WT1: variants seen among roughly 807,000 people sequenced by gnomAD.
WT1 encodes the protein WT1 transcription factor, also known as Wilms tumor protein.
A neutral mutation model predicts 60.8 loss-of-function variants in WT1; 8 were observed. That is an observed-to-expected ratio of 0.13 (90% CI 0.08 to 0.24). The LOEUF is 0.24. Ranked by LOEUF, WT1 falls within the 10% of genes least tolerant of loss-of-function variation. The pLI, the probability that WT1 is intolerant of heterozygous loss-of-function variation, is 1.00. For synonymous variants in WT1, 312 were observed against 297.1 expected (o/e 1.05, Z -0.52); for missense variants, 568 against 711.8 (o/e 0.80, Z 2.30).
At chr11:32,396,570 T>C (rs992691996) in intron 6 of WT1, among the ~76,000 whole-genome samples, 163 bp from the exon 7 acceptor site, 33 of 152,190 alleles carry the variant, frequency 2.2e-4, no homozygotes, top group African/African-American at 7.5e-4. Flanking sequence ...CAGACATCAG[T>C]AATGGATGCT....
chr11:32,434,168 C>A (rs1258821176), intron 1 of WT1, among the ~76,000 whole-genome samples: 1 of 152,216 alleles, frequency 6.6e-6, no homozygotes, highest in Non-Finnish European at 1.5e-5. Flanking sequence ...ACTTAATGTG[C>A]ACCTAAGTGT....
At chr11:32,422,959 G>T (rs1264194596) in intron 3 of WT1, among the ~76,000 whole-genome samples, 1 of 152,218 alleles carries the variant, frequency 6.6e-6, no homozygotes, top group East Asian at 1.9e-4. Context: ...CAAACGCAGT[G>T]CACAGAACTT....
In WT1 at chr11:32,415,765, G is replaced by C. The variant is rs80075914; in HGVS notation, c.1016+725C>G. Among the ~76,000 whole-genome samples, 678 of 152,340 alleles carry C rather than the reference G, an allele frequency of 4.5e-3. 7 individuals are homozygous for C. Among genetic ancestry groups the C allele is most frequent in the African/African-American group, 0.016 (653 of 41,584 alleles). On this transcript the variant is annotated intron_variant, in intron 5 of 9. Coordinates refer to ENST00000452863, the MANE Select transcript of WT1 (RefSeq NM_024426.6). Reference sequence around the variant, plus strand: ...GAAAGCCTTTTCTTTGTGGTCCAGAGAGAGGAAGAGGAGATCTGGATAAAA... The same window carrying C: ...GAAAGCCTTTTCTTTGTGGTCCAGACAGAGGAAGAGGAGATCTGGATAAAA...
chr11:32,425,273 A>G (rs1286575907), intron 3 of WT1, among the ~76,000 whole-genome samples: 2 of 152,222 alleles, frequency 1.3e-5, no homozygotes, highest in East Asian at 3.9e-4. Flanking sequence ...GTCAAATGCA[A>G]CAAGGCAAAC....
intron 1 of WT1, 74 bp from the exon 2 acceptor site, chr11:32,428,693 A>C (rs2133076803): frequency 3.1e-5 from 48 of 1,534,366 alleles, no homozygotes; most frequent in African/African-American, 1.4e-4. Context: ...TGAACCAGCC[A>C]CGGGCGGGGG....
intron 3 of WT1, among the ~76,000 whole-genome samples, chr11:32,423,269 G>A (rs1852914193): frequency 2.0e-5 from 3 of 152,354 alleles, no homozygotes; most frequent in South Asian, 4.1e-4. Context: ...CAGGGAGAAA[G>A]GTCTCTGCCC....
At position 32,435,329 on chromosome 11, in the gene WT1, G is replaced by C. The variant is rs1412950681; in HGVS notation, c.32C>G (p.Ser11Cys). 6.5e-7 allele frequency: 1 copy of C among 1,532,394 alleles called. No homozygotes were observed. Among genetic ancestry groups the C allele is most frequent in the Admixed American group, 2.0e-5 (1 of 50,916 alleles). 94.9% of individuals were successfully genotyped at this position (1,532,394 alleles called of 1,614,324 possible). A position where few individuals can be genotyped will look rare whatever the true frequency, so the allele number is the denominator to read the frequency against. Reference sequence around the variant, plus strand: ...AGACGCCGGCTCCGGGACACACGTGGAAGCCGGGTCCTGCAGCAAGAGGAA... The same window carrying C: ...AGACGCCGGCTCCGGGACACACGTGCAAGCCGGGTCCTGCAGCAAGAGGAA... Residue 11 changes from serine to cysteine, a missense_variant, in exon 1 of 10, where the codon TCC (serine) becomes TGC (cysteine). Ser to Cys is a moderately radical substitution (Grantham distance 112). This residue lies in a region of WT1 where 523 missense variants were observed against 565.1 expected (regional missense o/e 0.93). Coordinates refer to ENST00000452863, the MANE Select transcript of WT1 (RefSeq NM_024426.6).
chr11:32,430,432 C>CAGAGAGAGAGAGAGGGAGGGGGGG (rs1853243370), intron 1 of WT1: 1 of 910,756 alleles, frequency 1.1e-6, no homozygotes, highest in African/African-American at 2.7e-5. Flanking sequence ...GAGACAGACA[C>CAGAGAGAGAGAGAGGGAGGGGGGG]AGAGAGAGAG....
intron 9 of WT1, 35 bp downstream of exon 9, chr11:32,391,937 T>A (rs1256657794): frequency 6.3e-7 from 1 of 1,587,392 alleles, no homozygotes. Context: ...TTTAAAAAAA[T>A]AATGAAAAAT....
intron 1 of WT1, among the ~76,000 whole-genome samples, chr11:32,430,167 A>C (rs1853230717): frequency 1.3e-5 from 2 of 151,884 alleles, no homozygotes; most frequent in Non-Finnish European, 2.9e-5. Flanking sequence ...AGAAGCCACT[A>C]GCTTTTATCA....
At chr11:32,395,913 C>T (rs1247316896) in intron 7 of WT1, among the ~76,000 whole-genome samples, 1 of 152,204 alleles carries the variant, frequency 6.6e-6, no homozygotes, top group African/African-American at 2.4e-5. Flanking sequence ...CCTCCTAAAA[C>T]CATCTGATGA....
intron 6 of WT1, 29 bp from the exon 7 acceptor site, chr11:32,396,436 G>T: frequency 6.2e-7 from 1 of 1,611,564 alleles, no homozygotes; most frequent in Non-Finnish European, 8.5e-7. Flanking sequence ...AGGAAGGGAG[G>T]CTTTAAGCCA....
At chr11:32,428,694 CG>C in intron 1 of WT1, 75 bp from the exon 2 acceptor site, 1 of 1,524,156 alleles carries the variant, frequency 6.6e-7, no homozygotes, top group Non-Finnish European at 8.7e-7. Context: ...GAACCAGCCA[CG>C]GGCGGGGGGG....
chr11:32,422,849 G>C (rs1390404384), intron 3 of WT1, among the ~76,000 whole-genome samples: 1 of 152,210 alleles, frequency 6.6e-6, no homozygotes, highest in Non-Finnish European at 1.5e-5. Context: ...TCGTAGCACA[G>C]TTGCTAAAGA....
rs573960457 is a variant in WT1, at chr11:32,417,447, T to G, written c.965+130A>C. The G allele has an allele frequency of 1.7e-4, 143 of 835,124 alleles. No individual in the cohort carries two copies. In the African/African-American group the frequency reaches 2.4e-3, roughly 14 times the overall value. 51.7% of individuals were successfully genotyped at this position (835,124 alleles called of 1,614,324 possible). On this transcript the variant is annotated intron_variant, in intron 4 of 9. Coordinates refer to ENST00000452863, the MANE Select transcript of WT1 (RefSeq NM_024426.6). ...ACCAACTAGGGGAAGGAGGAAAGCG[T>G]TCTAATGTCACAGAGAGCTTTGCCC...
At position 32,396,237 on chromosome 11, in the gene WT1, T is replaced by A. The variant is rs1227250951; in HGVS notation, c.1264+20A>T. Reference sequence around the variant, plus strand: ...CTCTTGAACCATGTTTGCCCAAGACTGGACAGCGGGCACACTTACCAGTGT... The same window carrying A: ...CTCTTGAACCATGTTTGCCCAAGACAGGACAGCGGGCACACTTACCAGTGT... On this transcript the variant is annotated intron_variant, in intron 7 of 9. Coordinates refer to ENST00000452863, the MANE Select transcript of WT1 (RefSeq NM_024426.6). 2.5e-6 allele frequency: 4 copies of A among 1,614,042 alleles called. No homozygotes were observed. The highest frequency in any genetic ancestry group is 1.6e-4 in the Middle Eastern group (1 of 6,080).
intron 5 of WT1, among the ~76,000 whole-genome samples, chr11:32,408,514 T>TAAAAAAAAAAAAAA (rs58685266): frequency 2.0e-4 from 15 of 74,236 alleles, no homozygotes; most frequent in Admixed American, 3.3e-4. Context: ...GACTACGTCT[T>TAAAAAAAAAAAAAA]AAAAAAAAAA....
intron 6 of WT1, among the ~76,000 whole-genome samples, chr11:32,398,406 C>T (rs1434575016): frequency 1.3e-5 from 2 of 152,216 alleles, no homozygotes; most frequent in Non-Finnish European, 2.9e-5. Flanking sequence ...AACAGAGACT[C>T]TGCAGGGAAG....
intron 5 of WT1, 122 bp downstream of exon 5, chr11:32,416,364 GAGAT>G (rs1459820714): frequency 3.4e-6 from 4 of 1,181,764 alleles, no homozygotes; most frequent in Admixed American, 3.4e-5. Flanking sequence ...GCGGGGGAGA[GAGAT>G]TCTTCCCATC....
Sources: gnomAD v4.1 joint callset for allele counts (sites outside exome capture counted in the v4.1 genomes callset) on GRCh38, gnomAD v4.1.1 for gene constraint, gnomAD v4.1.1 regional missense constraint, MANE v1.5 for transcripts, NCBI Gene and HGNC (gene_info 2026-07-23, HGNC 2026-07-21) for gene names.